LRRCC1: variants seen among roughly 807,000 people sequenced by gnomAD.
LRRCC1 encodes the protein leucine rich repeat and coiled-coil centrosomal protein 1, also known as leucine-rich repeat and coiled-coil domain-containing protein 1.
A neutral mutation model predicts 126.0 loss-of-function variants in LRRCC1; 115 were observed. The ratio of observed to expected loss-of-function variants is 0.91; its 90% CI spans 0.78 to 1.07. The LOEUF (loss-of-function observed/expected upper bound fraction) is 1.07. LRRCC1 is among the 50% of genes least tolerant of loss of function. LRRCC1 has a pLI of 0.00. For missense variants in LRRCC1, 1,172 were observed against 1,175.7 expected (o/e 1.00, Z 0.05); for synonymous variants, 400 against 393.4 (o/e 1.02, Z -0.20).
At chr8:85,121,167 A>C (rs928605808) in intron 6 of LRRCC1, among the ~76,000 whole-genome samples, 5 of 152,276 alleles carry the variant, frequency 3.3e-5, no homozygotes, top group Non-Finnish European at 7.4e-5. Context: ...GCATCCATTT[A>C]CTTTTAACCT....
At chr8:85,132,075 T>A in intron 12 of LRRCC1, 114 bp downstream of exon 12, 1 of 823,654 alleles carries the variant, frequency 1.2e-6, no homozygotes, top group Non-Finnish European at 1.9e-6. Context: ...TAATCTTAAG[T>A]AAAATATATA....
Position 85,131,912 on chromosome 8 carries a change from A to C in LRRCC1, c.1919A>C (p.Glu640Ala). The change falls in exon 12 of 19, where the codon GAA becomes GCA. Residue 640 changes from glutamate (E) to alanine (A), a missense_variant. Transcript: ENST00000360375. Reference sequence around the variant, plus strand: ...TTAAGCCAGCAGTATATGGATTTAGAAAATGAATTCCGTATTGCTTTAACT... The same window carrying C: ...TTAAGCCAGCAGTATATGGATTTAGCAAATGAATTCCGTATTGCTTTAACT... ...DVLSQQYMDLENEFRIALTVE... is the reference protein window; with the variant it reads ...DVLSQQYMDLANEFRIALTVE... 6.2e-7 allele frequency: 1 copy of C among 1,613,830 alleles called. No homozygotes were observed. The highest frequency in any genetic ancestry group is 2.2e-5 in the East Asian group (1 of 44,802).
chr8:85,112,130 G>A (rs1808775049), intron 3 of LRRCC1, among the ~76,000 whole-genome samples: 1 of 152,142 alleles, frequency 6.6e-6, no homozygotes, highest in South Asian at 2.1e-4. Flanking sequence ...CCAAAGTGCT[G>A]AGATTACAGT....
At chr8:85,116,724 G>T (rs1412438809) in intron 6 of LRRCC1, among the ~76,000 whole-genome samples, 1 of 152,122 alleles carries the variant, frequency 6.6e-6, no homozygotes, top group Admixed American at 6.5e-5. Context: ...TAGGAAGGGG[G>T]AAGGAGTGGA....
At chr8:85,129,614 G>A (rs777029094) in intron 10 of LRRCC1, among the ~76,000 whole-genome samples, 8 of 152,212 alleles carry the variant, frequency 5.3e-5, no homozygotes, top group Non-Finnish European at 1.0e-4. Flanking sequence ...CAGGTGGTTA[G>A]GCTTTTATTC....
chr8:85,115,405 C>T lies in LRRCC1; in HGVS notation c.751C>T (p.Pro251Ser), dbSNP rs938404162. 5.6e-6 allele frequency: 9 copies of T among 1,613,398 alleles called. No individual in the cohort carries two copies. Among genetic ancestry groups the T allele is most frequent in the Admixed American group, 1.7e-5 (1 of 59,994 alleles). Residue 251 changes from proline to serine, a missense_variant, in exon 6 of 19, where the codon CCT becomes TCT. Physicochemically the swap from Pro to Ser is moderately conservative, Grantham distance 74 (BLOSUM62 -1). Transcript: ENST00000360375. ...IIDRMPVITA[P>S]IDELVPLEQF... ...TGATAGAATGCCAGTGATAACAGCACCTATCGATGAGTTAGTTCCCTTGGA... is the reference window on the plus strand; with the variant it reads ...TGATAGAATGCCAGTGATAACAGCATCTATCGATGAGTTAGTTCCCTTGGA...
intron 11 of LRRCC1, among the ~76,000 whole-genome samples, chr8:85,130,993 A>G (rs909563566): frequency 2.6e-5 from 4 of 152,198 alleles, no homozygotes; most frequent in African/African-American, 7.2e-5. Flanking sequence ...CAGTTTATCT[A>G]TTTCAGTTAT....
chr8:85,117,227 C>T (rs2135934579), intron 6 of LRRCC1, among the ~76,000 whole-genome samples: 1 of 152,232 alleles, frequency 6.6e-6, no homozygotes, highest in South Asian at 2.1e-4. Context: ...TTTAAAAGTA[C>T]TTTATTTGCA....
rs955735980 is a variant in LRRCC1, at chr8:85,136,986, G to A, written c.2330-478G>A. 4.7e-5 allele frequency among the ~76,000 whole-genome samples: 7 copies of A among 150,310 alleles called. 1 individual carries two copies. In the South Asian group the frequency reaches 8.5e-4, roughly 18 times the overall value. On this transcript the variant is annotated intron_variant, in intron 14 of 18. Transcript: ENST00000360375. ...ATTACAGGCATGAGCCACTATGCCC[G>A]GCTAATTTTTTTGTATTTTTAGTAG...
At chr8:85,121,228 CTT>C (rs996258941) in intron 6 of LRRCC1, among the ~76,000 whole-genome samples, 41 of 152,212 alleles carry the variant, frequency 2.7e-4, no homozygotes, top group African/African-American at 9.9e-4. Context: ...AAAAGTGAGT[CTT>C]GTTTTTAAAT....
chr8:85,132,375 C>CTTTTTT lies in LRRCC1; in HGVS notation c.1968+437_1968+442dup, dbSNP rs551423793. 5.4e-3 allele frequency among the ~76,000 whole-genome samples: 598 copies of CTTTTTT among 109,928 alleles called. 8 individuals carry two copies. Among genetic ancestry groups the CTTTTTT allele is most frequent in the East Asian group, 0.012 (44 of 3,614 alleles). The allele number at this position is 109,928 out of a possible 152,430, so 72.1% of individuals were successfully genotyped here. A position where few individuals can be genotyped will look rare whatever the true frequency, so the allele number is the denominator to read the frequency against. On this transcript the variant is annotated intron_variant, in intron 12 of 18. Coordinates refer to ENST00000360375, the MANE Select transcript of LRRCC1 (RefSeq NM_033402.5). The stretch of plus-strand genomic sequence containing the variant: ...TTACAAAAGCACAGTTGAGTACTTT[C>CTTTTTT]TTTTTTTTTTTTTTTTTTTTTTTTT...
At chr8:85,129,091 C>A in intron 9 of LRRCC1, 84 bp from the exon 10 acceptor site, 1 of 969,562 alleles carries the variant, frequency 1.0e-6, no homozygotes, top group Non-Finnish European at 1.6e-6. Context: ...AAGACCAGTT[C>A]AGAGAGTACT....
chr8:85,132,375 CTTTT>C (rs551423793), intron 12 of LRRCC1, among the ~76,000 whole-genome samples: 1,639 of 109,656 alleles, frequency 0.015, 7 homozygotes, highest in African/African-American at 0.056. Flanking sequence ...TGAGTACTTT[CTTTT>C]TTTTTTTTTT....
chr8:85,116,649 C>CA (rs1216660391), intron 6 of LRRCC1, among the ~76,000 whole-genome samples: 16 of 152,134 alleles, frequency 1.1e-4, no homozygotes, highest in African/African-American at 2.9e-4. Context: ...AGTGAGATTA[C>CA]AGGCAAGAGC....
chr8:85,107,626 C>T (rs1808346300), intron 1 of LRRCC1: 2 of 429,286 alleles, frequency 4.7e-6, no homozygotes, highest in South Asian at 9.6e-5. Context: ...CAGCGTTTCA[C>T]ACGACTCTGC....
intron 1 of LRRCC1, among the ~76,000 whole-genome samples, chr8:85,108,308 A>G (rs1808424897): frequency 1.3e-5 from 2 of 152,216 alleles, no homozygotes; most frequent in Admixed American, 1.3e-4. Context: ...ACTAGCTGCC[A>G]TTTACTGAAT....
At chr8:85,139,328 G>A (rs1469146541) in intron 17 of LRRCC1, among the ~76,000 whole-genome samples, 3 of 152,070 alleles carry the variant, frequency 2.0e-5, no homozygotes, top group African/African-American at 4.8e-5. Context: ...GCAATGGCAC[G>A]ATCTGGGCTC....
At chr8:85,139,337 T>A (rs1006516680) in intron 17 of LRRCC1, among the ~76,000 whole-genome samples, 1 of 152,110 alleles carries the variant, frequency 6.6e-6, no homozygotes, top group Non-Finnish European at 1.5e-5. Context: ...CGATCTGGGC[T>A]CACTGCAACT....
At position 85,107,291 on chromosome 8, in the gene LRRCC1, G is replaced by C; in HGVS notation, c.-5G>C. 1.2e-6 allele frequency: 2 copies of C among 1,610,780 alleles called. No individual in the cohort carries two copies. The highest frequency in any genetic ancestry group is 1.7e-6 in the Non-Finnish European group (2 of 1,178,604). ...GTTAAGACCCCGCTCCCCGTCGCCA[G>C]TGCTATGGAGGCGGCGGCGGCGGTG... On this transcript the variant is annotated 5_prime_UTR_variant, in exon 1 of 19. Coordinates refer to ENST00000360375, the MANE Select transcript of LRRCC1 (RefSeq NM_033402.5).
Sources: gnomAD v4.1 joint callset for allele counts (sites outside exome capture counted in the v4.1 genomes callset) on GRCh38, gnomAD v4.1.1 for gene constraint, MANE v1.5 for transcripts, NCBI Gene and HGNC (gene_info 2026-07-23, HGNC 2026-07-21) for gene names.